BCCIP: variants seen among roughly 807,000 people sequenced by gnomAD.
BCCIP encodes BRCA2 and CDKN1A interacting protein, also known as BRCA2 and CDKN1A-interacting protein.
BCCIP carries 23 observed loss-of-function variants against 32.8 expected under a neutral mutation model. The ratio of observed to expected loss-of-function variants is 0.70; its 90% CI spans 0.51 to 0.99. The LOEUF (loss-of-function observed/expected upper bound fraction) is 0.99, where lower values mean the gene tolerates loss of function less well. Ranked by LOEUF, BCCIP falls within the 50% of genes least tolerant of loss-of-function variation. The pLI is 0.00. For missense variants in BCCIP, 378 were observed against 379.8 expected, an observed-to-expected ratio of 1.00 and a Z score of 0.04; for synonymous variants, 144 against 137.6, an observed-to-expected ratio of 1.05 and a Z score of -0.33.
At chr10:125,835,090 G>A (rs1393859847) in intron 6 of BCCIP, among the ~76,000 whole-genome samples, 12 of 151,754 alleles carry the variant, frequency 7.9e-5, no homozygotes, top group Admixed American at 2.0e-4. Flanking sequence ...CCGAGATTGC[G>A]CCACTGCACT....
downstream of BCCIP, among the ~76,000 whole-genome samples, chr10:125,837,551 C>G (rs1431916519): frequency 6.6e-6 from 1 of 152,168 alleles, no homozygotes; most frequent in Non-Finnish European, 1.5e-5. Flanking sequence ...CGCAGAATCT[C>G]AAGTAGCTGG....
chr10:125,848,759 A>G (rs944572758), intron 7 of BCCIP, among the ~76,000 whole-genome samples: 1 of 152,184 alleles, frequency 6.6e-6, no homozygotes, highest in Non-Finnish European at 1.5e-5. Context: ...GAGCTCAGGT[A>G]GGAGTCACTC....
chr10:125,852,276 T>C (rs1259093721), intron 7 of BCCIP: 2 of 1,610,944 alleles, frequency 1.2e-6, no homozygotes, highest in South Asian at 1.1e-5. Context: ...CTGGCTGACA[T>C]GGGAGCATAA....
chr10:125,842,241 G>A (rs1854902544), exon 7 of BCCIP: 1 of 318,908 alleles, frequency 3.1e-6, no homozygotes, highest in Admixed American at 5.2e-5. Flanking sequence ...CAGGGATCCA[G>A]GGAGACTAAG....
Position 125,842,708 on chromosome 10 carries a change from A to G in BCCIP, c.*1349A>G, listed in dbSNP as rs1480755005. On this transcript the variant is annotated 3_prime_UTR_variant, in exon 7 of 7. Coordinates refer to the BCCIP transcript ENST00000299130. ...CAGGAAAATACATTGCATAATACAG[A>G]GAAAAATTAATCACAACTGACCTGG... is the stretch of plus-strand genomic sequence containing the variant. 6.3e-6 allele frequency: 3 copies of G among 478,078 alleles called. No homozygotes were observed. The African/African-American group carries it at 6.3e-5, about 10-fold the overall frequency. The allele number at this position is 478,078 out of a possible 1,614,324, so 29.6% of individuals were successfully genotyped here. A position where few individuals can be genotyped will look rare whatever the true frequency, so the allele number is the denominator to read the frequency against.
chr10:125,851,884 G>C (rs1944093683), intron 7 of BCCIP, among the ~76,000 whole-genome samples: 1 of 133,068 alleles, frequency 7.5e-6, no homozygotes, highest in African/African-American at 2.9e-5. Flanking sequence ...TCACGCCACT[G>C]TACTCCAGTT....
At chr10:125,839,310 G>C (rs1201182354), downstream of BCCIP, 2 of 973,274 alleles carry the variant, frequency 2.1e-6, no homozygotes, top group South Asian at 1.9e-5. Flanking sequence ...AGGCCACGTA[G>C]GTGAGTGGCA....
chr10:125,832,384 T>C (rs1174280240), intron 5 of BCCIP, among the ~76,000 whole-genome samples: 2 of 152,100 alleles, frequency 1.3e-5, no homozygotes, highest in Non-Finnish European at 1.5e-5. Context: ...TCATAGCCCT[T>C]GCGTTGTGGT....
At position 125,833,839 on chromosome 10, in the gene BCCIP, A is replaced by G; in HGVS notation, c.667A>G (p.Ser223Gly). The change falls in exon 6 of 7, where the codon AGT becomes GGT. Residue 223 changes from serine to glycine, a missense_variant. Transcript: ENST00000278100. ...GAAGTGCTACTTTTACCTTCTGATTAGTAAGACATTTGTGGAAGCAGGAAA... is the reference window on the plus strand; with the variant it reads ...GAAGTGCTACTTTTACCTTCTGATTGGTAAGACATTTGTGGAAGCAGGAAA... ...CGKCYFYLLISKTFVEAGKNN... is the reference protein window; with the variant it reads ...CGKCYFYLLIGKTFVEAGKNN... The G allele has an allele frequency of 6.2e-7, 1 of 1,614,278 alleles. No individual in the cohort carries two copies. Among genetic ancestry groups the G allele is most frequent in the Non-Finnish European group, 8.5e-7 (1 of 1,180,054 alleles).
At chr10:125,842,918 T>G (rs892000948), downstream of BCCIP, 4 of 395,468 alleles carry the variant, frequency 1.0e-5, no homozygotes, top group Non-Finnish European at 1.4e-5. Context: ...TTTAAAGAAA[T>G]ATATTCTCTT....
chr10:125,829,068 G>C (rs1247749852), intron 3 of BCCIP, among the ~76,000 whole-genome samples: 1 of 152,192 alleles, frequency 6.6e-6, no homozygotes, highest in Non-Finnish European at 1.5e-5. Flanking sequence ...TTTCTATCTA[G>C]GGGGAGGGCA....
chr10:125,838,203 T>TA (rs1425238874), downstream of BCCIP: 6 of 1,575,958 alleles, frequency 3.8e-6, no homozygotes, highest in Non-Finnish European at 1.7e-6. Context: ...CCATTAAACT[T>TA]ACAGTTCAGG....
At chr10:125,841,871 C>T (rs765831395) in exon 7 of BCCIP, 1 of 1,613,490 alleles carries the variant, frequency 6.2e-7, no homozygotes, top group Non-Finnish European at 8.5e-7. Flanking sequence ...AGAAAGATTT[C>T]CATCATTATC....
At chr10:125,851,386 A>G (rs1944087541) in intron 7 of BCCIP, among the ~76,000 whole-genome samples, 1 of 152,192 alleles carries the variant, frequency 6.6e-6, no homozygotes, top group Non-Finnish European at 1.5e-5. Flanking sequence ...ACAGAGGGTG[A>G]CTATTGAGAG....
chr10:125,838,415 G>C (rs927518933), downstream of BCCIP: 1 of 1,532,930 alleles, frequency 6.5e-7, no homozygotes, highest in Non-Finnish European at 8.7e-7. Context: ...AAAGAAAAAA[G>C]ATTTTGTATT....
rs562003977 is a variant in BCCIP at position 125,832,348 on chromosome 10, C to G, written c.599+741C>G. On this transcript the variant is annotated intron_variant, in intron 5 of 6. Transcript: ENST00000278100. ...TCACAGCACTTGACCTAGACAGGTTCTTTATAGAATATTCTTTCTCAGAGG... is the reference window on the plus strand; with the variant it reads ...TCACAGCACTTGACCTAGACAGGTTGTTTATAGAATATTCTTTCTCAGAGG... Among the ~76,000 whole-genome samples the G allele has an allele frequency of 3.3e-5, 5 of 152,048 alleles. No homozygotes were observed. In the East Asian group the frequency reaches 7.7e-4, roughly 24 times the overall value.
chr10:125,844,090 T>TG (rs1854949567), downstream of BCCIP, among the ~76,000 whole-genome samples: 1 of 152,194 alleles, frequency 6.6e-6, no homozygotes, highest in African/African-American at 2.4e-5. Flanking sequence ...GGACTAACCA[T>TG]GACCTTGAGA....
At chr10:125,851,920 CAAAAAAAAAA>C (rs56380138) in intron 7 of BCCIP, among the ~76,000 whole-genome samples, 1 of 86,770 alleles carries the variant, frequency 1.2e-5, no homozygotes, top group Non-Finnish European at 2.2e-5. Flanking sequence ...GACCCTGTCT[CAAAAAAAAAA>C]AAAAAAAAAA....
chr10:125,851,934 A>G (rs1411831193), intron 7 of BCCIP, among the ~76,000 whole-genome samples: 2 of 151,566 alleles, frequency 1.3e-5, no homozygotes, highest in African/African-American at 4.8e-5. Context: ...AAAAAAAAAA[A>G]AAAAAAAGAA....
Sources: allele counts gnomAD v4.1 joint callset (sites outside exome capture counted in the v4.1 genomes callset), GRCh38; gene constraint gnomAD v4.1.1; transcripts MANE v1.5; gene names NCBI Gene and HGNC (gene_info 2026-07-23, HGNC 2026-07-21).